The following DROSHA variants were observed in gnomAD, a reference collection of about 807,000 sequenced individuals.
DROSHA encodes drosha ribonuclease III.
DROSHA carries 56 observed loss-of-function variants against 181.9 expected under a neutral mutation model. The ratio of observed to expected loss-of-function variants is 0.31; its 90% CI spans 0.25 to 0.38. The LOEUF is 0.38. Among genes scored for constraint, DROSHA ranks in the 10% least tolerant of loss-of-function variants. DROSHA has a pLI of 1.00. For missense variants in DROSHA, 1,218 were observed against 1,743.5 expected (o/e 0.70, Z 5.37); for synonymous variants, 524 against 591.2 (o/e 0.89, Z 1.65).
chr5:31,468,093 C>G, intron 17 of DROSHA, 30 bp from the exon 18 acceptor site: 1 of 1,596,184 alleles, frequency 6.3e-7, no homozygotes, highest in Non-Finnish European at 8.5e-7. Context: ...CCATTTATTC[C>G]CATAAGAAGT....
chr5:31,436,297 C>A (rs755340467), intron 24 of DROSHA, among the ~76,000 whole-genome samples: 1 of 151,888 alleles, frequency 6.6e-6, no homozygotes, highest in Non-Finnish European at 1.5e-5. Flanking sequence ...AGAATAAAAA[C>A]AGCTCAAGAG....
intron 23 of DROSHA, among the ~76,000 whole-genome samples, chr5:31,446,654 T>C (rs1176857737): frequency 3.1e-5 from 4 of 128,896 alleles, no homozygotes; most frequent in East Asian, 4.5e-4. Context: ...CTGGGCAACA[T>C]AGCAAGAGCC....
chr5:31,418,239 G>C (rs1332621944), intron 30 of DROSHA, among the ~76,000 whole-genome samples: 1 of 148,928 alleles, frequency 6.7e-6, no homozygotes, highest in Non-Finnish European at 1.5e-5. Flanking sequence ...GTGTGTGTGT[G>C]TCACAGAGAG....
intron 11 of DROSHA, among the ~76,000 whole-genome samples, chr5:31,497,044 C>T (rs1561254748): frequency 6.6e-6 from 1 of 152,190 alleles, no homozygotes; most frequent in Non-Finnish European, 1.5e-5. Flanking sequence ...AATGGTAACC[C>T]CGTGCACTCG....
At chr5:31,401,767 C>T (rs1459544989) in intron 35 of DROSHA, among the ~76,000 whole-genome samples, 2 of 152,066 alleles carry the variant, frequency 1.3e-5, no homozygotes, top group South Asian at 2.1e-4. Flanking sequence ...TGGATGAGTG[C>T]CCCTGATTGT....
chr5:31,459,896 T>G (rs1748196881), intron 20 of DROSHA, among the ~76,000 whole-genome samples: 1 of 152,216 alleles, frequency 6.6e-6, no homozygotes, highest in Admixed American at 6.5e-5. Flanking sequence ...GTGCTTCCTT[T>G]TTTTTTCCTT....
At position 31,406,958 on chromosome 5, in the gene DROSHA, G is replaced by C. The variant is rs770457574; in HGVS notation, c.3855-13C>G. ...TGTCTGCAGAGTCCTGAAAGGGAAA[G>C]GAAAGAACATTTATTATGGTAAAGT... On this transcript the variant is annotated splice_polypyrimidine_tract_variant and intron_variant, in intron 33 of 35. Transcript: ENST00000344624. 1.9e-6 allele frequency: 3 copies of C among 1,609,176 alleles called. No individual in the cohort carries two copies. The highest frequency in any genetic ancestry group is 1.3e-5 in the African/African-American group (1 of 74,884).
At chr5:31,476,722 T>C (rs965626917) in intron 16 of DROSHA, among the ~76,000 whole-genome samples, 1 of 152,056 alleles carries the variant, frequency 6.6e-6, no homozygotes, top group Non-Finnish European at 1.5e-5. Flanking sequence ...TCGATTTCCA[T>C]GGAAAGGTAA....
chr5:31,479,325 A>G (rs1024991709), intron 16 of DROSHA, among the ~76,000 whole-genome samples: 1 of 152,220 alleles, frequency 6.6e-6, no homozygotes, highest in Non-Finnish European at 1.5e-5. Flanking sequence ...ACACACATAC[A>G]CACAGAGTCA....
At chr5:31,415,638 A>T (rs985248643) in intron 30 of DROSHA, among the ~76,000 whole-genome samples, 7 of 152,348 alleles carry the variant, frequency 4.6e-5, no homozygotes, top group African/African-American at 1.7e-4. Context: ...CATTAAAAAC[A>T]AACAAAAACT....
chr5:31,426,271 C>T (rs750000159), intron 27 of DROSHA, among the ~76,000 whole-genome samples: 6 of 151,856 alleles, frequency 4.0e-5, no homozygotes, highest in Non-Finnish European at 5.9e-5. Context: ...TAGACTGGAA[C>T]CCCAGTGCTA....
At chr5:31,422,346 G>A (rs1742861297) in intron 29 of DROSHA, among the ~76,000 whole-genome samples, 1 of 152,030 alleles carries the variant, frequency 6.6e-6, no homozygotes, top group Non-Finnish European at 1.5e-5. Context: ...ATCTAGAGCA[G>A]GGGTCAGAGA....
At chr5:31,445,262 TTAAGCA>T (rs1746110103) in intron 23 of DROSHA, among the ~76,000 whole-genome samples, 1 of 152,216 alleles carries the variant, frequency 6.6e-6, no homozygotes, top group African/African-American at 2.4e-5. Context: ...TCATCAGCCA[TTAAGCA>T]TTTGCTTCCA....
In DROSHA at chr5:31,513,425, C is replaced by T. The variant is rs577219755; in HGVS notation, c.1290+1563G>A. On this transcript the variant is annotated intron_variant, in intron 8 of 35. Transcript: ENST00000344624. ...TTATTACTCCTAGCAGCATTTCTAA[C>T]GGACAGAACCACCTTCTTGCCAGGG... Among the ~76,000 whole-genome samples, 9 of 152,302 alleles carry T rather than the reference C, an allele frequency of 5.9e-5. No individual in the cohort carries two copies. In the East Asian group the frequency reaches 1.4e-3, roughly 23 times the overall value.
chr5:31,511,147 C>A lies in DROSHA; in HGVS notation c.1320G>T (p.Arg440Ser). ...VGDSTVVGTS[R>S]LRDLYDKFEE... ...CAAATTTGTCATATAAGTCACGAAG[C>A]CTACTCGTTCCAACCACTGTAGAAT... Residue 440 changes from arginine (R) to serine (S), a missense_variant, in exon 9 of 36, where the codon AGG (arginine) becomes AGT (serine). Transcript: ENST00000344624. The A allele has an allele frequency of 6.2e-7, 1 of 1,613,826 alleles. No individual in the cohort carries two copies. The highest frequency in any genetic ancestry group is 1.1e-5 in the South Asian group (1 of 91,066).
intron 19 of DROSHA, 27 bp from the exon 20 acceptor site, chr5:31,464,370 A>T: frequency 6.3e-7 from 1 of 1,599,304 alleles, no homozygotes; most frequent in Non-Finnish European, 8.6e-7. Flanking sequence ...TATGATGAGT[A>T]ACACAACTGC....
rs1038540870 is a variant in DROSHA, at chr5:31,423,346, A to AT, written c.3262-403dup. The AT allele has an allele frequency of 2.8e-4, 44 of 154,542 alleles. 1 individual carries two copies. The highest frequency in any genetic ancestry group is 2.9e-5 in the Non-Finnish European group (2 of 69,632). 9.6% of individuals were successfully genotyped at this position (154,542 alleles called of 1,614,324 possible). On this transcript the variant is annotated intron_variant, in intron 28 of 35. Coordinates refer to ENST00000344624, the MANE Select transcript of DROSHA (RefSeq NM_001382508.1). ...CTGGGTCCTGCCCCCAAGATTACTGATTTCCTATGTCTGGAATCAAGACTG... is the reference window on the plus strand; with the variant it reads ...CTGGGTCCTGCCCCCAAGATTACTGATTTTCCTATGTCTGGAATCAAGACTG...
At chr5:31,467,434 G>C (rs560709901) in intron 18 of DROSHA, 3 of 152,210 alleles carry the variant, frequency 2.0e-5, no homozygotes, top group African/African-American at 7.2e-5. Context: ...ATGCCAGTTG[G>C]AAAAATCAAA....
At chr5:31,479,591 A>G (rs1245462495) in intron 16 of DROSHA, among the ~76,000 whole-genome samples, 2 of 152,126 alleles carry the variant, frequency 1.3e-5, no homozygotes, top group African/African-American at 4.8e-5. Context: ...AAAGGAATAT[A>G]TATCTATAAA....
Sources: gnomAD v4.1 joint callset for allele counts (sites outside exome capture counted in the v4.1 genomes callset) on GRCh38, gnomAD v4.1.1 for gene constraint, MANE v1.5 for transcripts, NCBI Gene and HGNC (gene_info 2026-07-23, HGNC 2026-07-21) for gene names.